SIPA1L3: variants seen among roughly 807,000 people sequenced by gnomAD.
SIPA1L3 encodes the protein signal-induced proliferation-associated 1-like protein 3.
Under a neutral mutation model 150.1 loss-of-function variants are expected in SIPA1L3, and 59 were observed. The ratio of observed to expected loss-of-function variants is 0.39; its 90% CI spans 0.32 to 0.49. SIPA1L3 has a LOEUF of 0.49. SIPA1L3 is among the 20% of genes least tolerant of loss of function. SIPA1L3 has a pLI of 0.86. For synonymous variants in SIPA1L3, 1,070 were observed against 1,077.6 expected (o/e 0.99, Z 0.14); for missense variants, 2,211 against 2,489.5 (o/e 0.89, Z 2.38).
intron 9 of SIPA1L3, among the ~76,000 whole-genome samples, chr19:38,123,843 G>A (rs1190268682): frequency 2.4e-5 from 3 of 127,584 alleles, no homozygotes; most frequent in African/African-American, 3.4e-5. Context: ...AGGGGTGGCC[G>A]GGCAGAGGCG....
intron 15 of SIPA1L3, among the ~76,000 whole-genome samples, chr19:38,178,879 A>C (rs912708127): frequency 1.3e-5 from 2 of 152,202 alleles, no homozygotes; most frequent in African/African-American, 4.8e-5. Flanking sequence ...TACATGCTTC[A>C]GTAGTTCCCT....
At position 38,082,543 on chromosome 19, in the gene SIPA1L3, C is replaced by A; in HGVS notation, c.978C>A (p.Ser326Arg). 4.4e-6 allele frequency: 7 copies of A among 1,599,834 alleles called. No homozygotes were observed. Among genetic ancestry groups the A allele is most frequent in the Non-Finnish European group, 6.0e-6 (7 of 1,174,474 alleles). ...CGGGGGAGGCCGACGAGGGCCGGAG[C>A]CCCCCGGAAGCCAGCAGGCCGTGGG... ...RSPGEADEGR[S>R]PPEASRPWVC... The change falls in exon 3 of 22, where the codon AGC becomes AGA. Residue 326 changes from serine to arginine, a missense_variant. Ser to Arg is a moderately radical substitution (Grantham distance 110). Coordinates refer to ENST00000222345, the MANE Select transcript of SIPA1L3 (RefSeq NM_015073.3).
intron 2 of SIPA1L3, among the ~76,000 whole-genome samples, chr19:38,053,404 C>G (rs1969242620): frequency 6.6e-6 from 1 of 152,180 alleles, no homozygotes; most frequent in South Asian, 2.1e-4. Context: ...AGTACCTTGG[C>G]CAAGGCCACA....
chr19:37,925,148 C>T (rs1032221477), intron 1 of SIPA1L3, among the ~76,000 whole-genome samples: 39 of 152,068 alleles, frequency 2.6e-4, no homozygotes, highest in African/African-American at 8.9e-4. Context: ...ACCAACACCA[C>T]GACAAACAGG....
At chr19:38,189,020 A>C (rs1972750367) in intron 16 of SIPA1L3, among the ~76,000 whole-genome samples, 1 of 152,052 alleles carries the variant, frequency 6.6e-6, no homozygotes, top group African/African-American at 2.4e-5. Flanking sequence ...ATCCTTCCAG[A>C]AATGTTCCAA....
At chr19:38,096,119 C>T (rs1379650836) in intron 4 of SIPA1L3, among the ~76,000 whole-genome samples, 2 of 152,142 alleles carry the variant, frequency 1.3e-5, no homozygotes, top group Non-Finnish European at 2.9e-5. Context: ...ACATGCCTCT[C>T]GCCCAGGTGC....
At chr19:37,956,490 T>TG (rs1171973918) in intron 1 of SIPA1L3, among the ~76,000 whole-genome samples, 1 of 148,920 alleles carries the variant, frequency 6.7e-6, no homozygotes, top group Non-Finnish European at 1.5e-5. Flanking sequence ...AAGTTTTGTT[T>TG]TTTTTTTTTT....
chr19:38,201,493 C>A (rs1320739567), intron 19 of SIPA1L3, among the ~76,000 whole-genome samples: 1 of 152,234 alleles, frequency 6.6e-6, no homozygotes, highest in Non-Finnish European at 1.5e-5. Context: ...CACTTTGTAA[C>A]CCTTTTTTCC....
At chr19:37,947,766 T>C (rs1261612581) in intron 1 of SIPA1L3, among the ~76,000 whole-genome samples, 1 of 152,226 alleles carries the variant, frequency 6.6e-6, no homozygotes, top group Non-Finnish European at 1.5e-5. Flanking sequence ...GCTGGAAATA[T>C]TGCAGATTTA....
At chr19:38,123,709 C>G (rs1395941201) in intron 9 of SIPA1L3, among the ~76,000 whole-genome samples, 3 of 152,116 alleles carry the variant, frequency 2.0e-5, no homozygotes, top group African/African-American at 7.2e-5. Flanking sequence ...AATCTTTTCC[C>G]CACCTTTCCC....
intron 15 of SIPA1L3, among the ~76,000 whole-genome samples, chr19:38,166,446 ACT>A (rs1972213054): frequency 6.8e-6 from 1 of 147,932 alleles, no homozygotes; most frequent in South Asian, 2.1e-4. Flanking sequence ...ACAGAGCAAG[ACT>A]CTGTCTCAAA....
rs1246962953 is a variant in SIPA1L3 at position 38,082,162 on chromosome 19, C to G, written c.597C>G (p.Phe199Leu). 24 of 1,605,498 alleles carry G rather than the reference C, an allele frequency of 1.5e-5. No individual in the cohort carries two copies. Among genetic ancestry groups the G allele is most frequent in the Non-Finnish European group, 2.0e-5 (24 of 1,179,672 alleles). Residue 199 changes from phenylalanine (F) to leucine (L), a missense_variant, in exon 3 of 22, where the codon TTC (phenylalanine) becomes TTG (leucine). By Grantham distance (22) the Phe-to-Leu change is conservative. Around this residue, in one of 5 missense-constraint regions of SIPA1L3, gnomAD observed 587 missense variants for 534.5 expected, o/e 1.10. Transcript: ENST00000222345. ...GGCACACGGGGGCGCTGCCCCTCTT[C>G]CGCGAGTACGGGAGCACCTCGTCCA... ...GARHTGALPL[F>L]REYGSTSSID...
chr19:38,126,917 C>T (rs988067569), intron 9 of SIPA1L3, among the ~76,000 whole-genome samples: 2 of 152,142 alleles, frequency 1.3e-5, no homozygotes, highest in Non-Finnish European at 2.9e-5. Context: ...TCTTGGCCGG[C>T]TGCAGTGGCT....
At chr19:38,001,325 G>C (rs1006290445) in intron 1 of SIPA1L3, among the ~76,000 whole-genome samples, 1 of 151,960 alleles carries the variant, frequency 6.6e-6, no homozygotes. Flanking sequence ...GCCCAGACTT[G>C]TTCTAGATAT....
Position 38,152,717 on chromosome 19 carries a change from A to G in SIPA1L3, c.3534-123A>G. 2.9e-6 allele frequency: 3 copies of G among 1,037,170 alleles called. No homozygotes were observed. In the East Asian group the frequency reaches 8.1e-5, roughly 28 times the overall value. 64.2% of individuals were successfully genotyped at this position (1,037,170 alleles called of 1,614,324 possible). On this transcript the variant is annotated intron_variant, in intron 12 of 21. Transcript: ENST00000222345. ...CCAGCCTTCCTAACCGCTTTCTCTC[A>G]TCCACAGCGGAGCCTCCCGTGTGTC...
intron 1 of SIPA1L3, among the ~76,000 whole-genome samples, chr19:37,911,137 G>A (rs1161775748): frequency 6.6e-6 from 1 of 152,104 alleles, no homozygotes; most frequent in African/African-American, 2.4e-5. Flanking sequence ...CTATTGCTAG[G>A]CTTTGGAGAT....
At position 38,119,419 on chromosome 19, in the gene SIPA1L3, A is replaced by T; in HGVS notation, c.2405A>T (p.Asn802Ile). 6.2e-7 allele frequency: 1 copy of T among 1,614,144 alleles called. No individual in the cohort carries two copies. The change falls in exon 9 of 22, where the codon AAC becomes ATC. Residue 802 changes from asparagine to isoleucine, a missense_variant. Asn to Ile is a moderately radical substitution (Grantham distance 149). This residue lies in a region of SIPA1L3 where 625 missense variants were observed against 804.2 expected (regional missense o/e 0.78). Transcript: ENST00000222345. ...FRDFLLAKVI[N>I]AENAAHKSDK... ...GACTTCTTGCTGGCCAAGGTGATTA[A>T]CGCTGAGAACGCCGCGCACAAGTCC...
intron 1 of SIPA1L3, among the ~76,000 whole-genome samples, chr19:37,970,124 A>T (rs922431961): frequency 6.6e-6 from 1 of 152,230 alleles, no homozygotes; most frequent in African/African-American, 2.4e-5. Flanking sequence ...TTAGTTTGTC[A>T]TTGGACTAGA....
intron 8 of SIPA1L3, among the ~76,000 whole-genome samples, chr19:38,113,188 G>T (rs1439786132): frequency 6.6e-6 from 1 of 150,848 alleles, no homozygotes; most frequent in Non-Finnish European, 1.5e-5. Context: ...TCCAGCCTGG[G>T]CTACAGAGCG....
Sources: gnomAD v4.1 joint callset for allele counts (sites outside exome capture counted in the v4.1 genomes callset) on GRCh38, gnomAD v4.1.1 for gene constraint, gnomAD v4.1.1 regional missense constraint, MANE v1.5 for transcripts, NCBI Gene and HGNC (gene_info 2026-07-23, HGNC 2026-07-21) for gene names.